The following PHTF2 variants were observed in gnomAD, a reference collection of about 807,000 sequenced individuals.
PHTF2 encodes protein PHTF2.
In PHTF2, 60 loss-of-function variants were observed where a neutral mutation model predicts 101.2. That is an observed-to-expected ratio of 0.59 (90% CI 0.48 to 0.73). PHTF2 has a LOEUF of 0.73. PHTF2 is among the 30% of genes least tolerant of loss of function. The pLI is 0.00. For synonymous variants in PHTF2, 311 were observed against 307.3 expected, an observed-to-expected ratio of 1.01 and a Z score of -0.13; for missense variants, 747 against 908.7, an observed-to-expected ratio of 0.82 and a Z score of 2.29.
At chr7:77,823,229 C>CTTTTTTTT (rs983304219) in intron 1 of PHTF2, among the ~76,000 whole-genome samples, 1 of 123,090 alleles carries the variant, frequency 8.1e-6, no homozygotes, top group Non-Finnish European at 1.7e-5. Flanking sequence ...AAATTACTCT[C>CTTTTTTTT]TTTTTTTTTG....
At chr7:77,951,784 A>C (rs931952558) in intron 18 of PHTF2, 72 bp downstream of exon 17, 1 of 675,928 alleles carries the variant, frequency 1.5e-6, no homozygotes, top group Non-Finnish European at 2.5e-6. Context: ...TTTTGTTTAT[A>C]GATATTACTT....
intron 9 of PHTF2, 104 bp downstream of exon 8, chr7:77,910,513 C>A: frequency 1.3e-6 from 1 of 757,662 alleles, no homozygotes; most frequent in Non-Finnish European, 2.1e-6. Flanking sequence ...ATGTGACAGC[C>A]TCATTATGGA....
intron 3 of PHTF2, among the ~76,000 whole-genome samples, chr7:77,881,143 G>A (rs1799379772): frequency 1.3e-5 from 2 of 152,170 alleles, no homozygotes; most frequent in South Asian, 4.2e-4. Context: ...TAAGGTCATT[G>A]ACATTAATGT....
chr7:77,834,312 C>CAAAAA (rs34947684), intron 1 of PHTF2, among the ~76,000 whole-genome samples: 3 of 89,086 alleles, frequency 3.4e-5, no homozygotes, highest in Non-Finnish European at 7.3e-5. Flanking sequence ...GACCTTGTCT[C>CAAAAA]AAAAAAAAAA....
At chr7:77,811,758 G>A (rs566222215) in intron 1 of PHTF2, among the ~76,000 whole-genome samples, 2 of 152,236 alleles carry the variant, frequency 1.3e-5, no homozygotes, top group Admixed American at 6.5e-5. Context: ...TCTAAGCAGT[G>A]TTGATTTCTT....
At chr7:77,841,261 G>A (rs946072721) in intron 2 of PHTF2, among the ~76,000 whole-genome samples, 1 of 151,406 alleles carries the variant, frequency 6.6e-6, no homozygotes, top group African/African-American at 2.4e-5. Flanking sequence ...TGTATATTTA[G>A]TAGAGACAGG....
intron 2 of PHTF2, among the ~76,000 whole-genome samples, chr7:77,841,075 CTTTTTTT>C (rs57283892): frequency 2.6e-5 from 2 of 77,286 alleles, no homozygotes; most frequent in Admixed American, 1.7e-4. Flanking sequence ...AAAAAACAGA[CTTTTTTT>C]TTTTTTTTTT....
chr7:77,893,899 TCAGC>T, intron 4 of PHTF2, 79 bp from the exon 4 acceptor site: 12 of 1,004,042 alleles, frequency 1.2e-5, no homozygotes, highest in Admixed American at 9.7e-5. Flanking sequence ...TATTTTTTTG[TCAGC>T]TTTTTTCCCC....
At chr7:77,895,624 C>CTATTCACAAATTACTATTTG (rs777408017) in intron 5 of PHTF2, among the ~76,000 whole-genome samples, 1 of 152,084 alleles carries the variant, frequency 6.6e-6, no homozygotes, top group African/African-American at 2.4e-5. Flanking sequence ...TTTTTGGAAG[C>CTATTCACAAATTACTATTTG]TATTCACAAA....
chr7:77,917,764 C>G (rs10953377), intron 9 of PHTF2, among the ~76,000 whole-genome samples: 23,371 of 152,112 alleles, frequency 0.15, 2,467 homozygotes, highest in African/African-American at 0.3. Context: ...CACTGATATT[C>G]TTGCAAGTGC....
intron 3 of PHTF2, among the ~76,000 whole-genome samples, chr7:77,888,071 A>G (rs1800027187): frequency 6.6e-6 from 1 of 152,140 alleles, no homozygotes; most frequent in Non-Finnish European, 1.5e-5. Flanking sequence ...CTCTCTGTGT[A>G]TCTATCAACA....
In PHTF2 at chr7:77,845,716, A is replaced by G. The variant is rs114924776; in HGVS notation, c.45+5416A>G. Reference sequence around the variant, plus strand: ...GGCATTTCAGAGTACTAACTTGCCTAAGATTGCACAGATGGCTCAAAAGTA... The same window carrying G: ...GGCATTTCAGAGTACTAACTTGCCTGAGATTGCACAGATGGCTCAAAAGTA... On this transcript the variant is annotated intron_variant, in intron 2 of 19. Transcript: ENST00000416283. Among the ~76,000 whole-genome samples, 1,179 of 152,294 alleles carry G rather than the reference A, an allele frequency of 7.7e-3. 18 individuals are homozygous for G. Among genetic ancestry groups the G allele is most frequent in the African/African-American group, 0.027 (1,137 of 41,540 alleles).
intron 1 of PHTF2, among the ~76,000 whole-genome samples, chr7:77,817,966 C>G (rs374147188): frequency 6.6e-6 from 1 of 151,814 alleles, no homozygotes; most frequent in Non-Finnish European, 1.5e-5. Context: ...AAAAATTAGC[C>G]GGGCATGGTG....
chr7:77,938,918 A>T (rs868522613), intron 13 of PHTF2, among the ~76,000 whole-genome samples: 2 of 152,358 alleles, frequency 1.3e-5, no homozygotes, highest in African/African-American at 4.8e-5. Flanking sequence ...AGGAATTATA[A>T]TAACTGGGTC....
At chr7:77,843,718 T>G (rs1318875711) in intron 2 of PHTF2, among the ~76,000 whole-genome samples, 1 of 152,236 alleles carries the variant, frequency 6.6e-6, no homozygotes, top group East Asian at 1.9e-4. Context: ...CTAATGGTTC[T>G]CAGCCTCTTT....
At chr7:77,801,409 C>T (rs1817272522) in intron 1 of PHTF2, among the ~76,000 whole-genome samples, 1 of 152,036 alleles carries the variant, frequency 6.6e-6, no homozygotes, top group Admixed American at 6.6e-5. Flanking sequence ...AATATGAAAC[C>T]CCGTCTCTAC....
At chr7:77,860,277 T>C (rs958146007) in intron 3 of PHTF2, among the ~76,000 whole-genome samples, 1 of 152,228 alleles carries the variant, frequency 6.6e-6, no homozygotes, top group Non-Finnish European at 1.5e-5. Context: ...AAAAAATTTA[T>C]ACTCTTATTG....
At chr7:77,816,026 T>A (rs552853931) in intron 1 of PHTF2, among the ~76,000 whole-genome samples, 40 of 152,204 alleles carry the variant, frequency 2.6e-4, no homozygotes, top group Non-Finnish European at 5.4e-4. Flanking sequence ...TTAGTCTGGC[T>A]TTTTGTATTC....
At chr7:77,875,758 TGC>T (rs2150732616) in intron 3 of PHTF2, among the ~76,000 whole-genome samples, 1 of 152,010 alleles carries the variant, frequency 6.6e-6, no homozygotes, top group East Asian at 1.9e-4. Context: ...GGGGTTTCAG[TGC>T]GTTAGCCGGG....
Sources: allele counts gnomAD v4.1 joint callset (sites outside exome capture counted in the v4.1 genomes callset), GRCh38; gene constraint gnomAD v4.1.1; transcripts MANE v1.5; gene names NCBI Gene and HGNC (gene_info 2026-07-23, HGNC 2026-07-21).